Variants in FAM83B observed in about 807,000 individuals in gnomAD.
The protein encoded by FAM83B is protein FAM83B.
A neutral mutation model predicts 38.8 loss-of-function variants in FAM83B; 26 were observed. The observed-to-expected ratio is 0.67, with a 90% CI of 0.49 to 0.93. The LOEUF (loss-of-function observed/expected upper bound fraction) is 0.93, where lower values mean the gene tolerates loss of function less well. Ranked by LOEUF, FAM83B falls within the 40% of genes least tolerant of loss-of-function variation. FAM83B has a pLI of 0.00. For synonymous variants in FAM83B, 419 were observed against 423.1 expected, an observed-to-expected ratio of 0.99 and a Z score of 0.12; for missense variants, 1,237 against 1,197.3, an observed-to-expected ratio of 1.03 and a Z score of -0.49.
chr6:54,877,168 G>T (rs1034318155), intron 2 of FAM83B, among the ~76,000 whole-genome samples: 1 of 152,210 alleles, frequency 6.6e-6, no homozygotes, highest in South Asian at 2.1e-4. Flanking sequence ...GCAGATGGTA[G>T]TCCAATAGGG....
chr6:54,869,523 A>G (rs532739989), intron 1 of FAM83B, among the ~76,000 whole-genome samples: 2 of 152,044 alleles, frequency 1.3e-5, no homozygotes, highest in East Asian at 3.9e-4. Context: ...GAATGTACCA[A>G]ACTCTCATAT....
chr6:54,900,290 C>T (rs1178745540), intron 2 of FAM83B, among the ~76,000 whole-genome samples: 1 of 152,104 alleles, frequency 6.6e-6, no homozygotes, highest in Non-Finnish European at 1.5e-5. Flanking sequence ...GAGGGAGGCC[C>T]TATCCTACCC....
chr6:54,862,059 G>T (rs1410963773), intron 1 of FAM83B, among the ~76,000 whole-genome samples: 2 of 152,236 alleles, frequency 1.3e-5, no homozygotes, highest in South Asian at 2.1e-4. Context: ...AGACATTAGG[G>T]TCTAAGAAAA....
chr6:54,883,615 C>A (rs548448232), intron 2 of FAM83B, among the ~76,000 whole-genome samples: 1 of 151,984 alleles, frequency 6.6e-6, no homozygotes, highest in Admixed American at 6.6e-5. Context: ...GGATTACAGG[C>A]GTGAGCCACC....
Position 54,940,989 on chromosome 6 carries a change from C to T in FAM83B, c.2018C>T (p.Ala673Val). The T allele has an allele frequency of 6.2e-7, 1 of 1,613,944 alleles. No homozygotes were observed. Among genetic ancestry groups the T allele is most frequent in the Non-Finnish European group, 8.5e-7 (1 of 1,179,986 alleles). The change falls in exon 5 of 5, where the codon GCC becomes GTC. Residue 673 changes from alanine to valine, a missense_variant. Coordinates refer to ENST00000306858, the MANE Select transcript of FAM83B (RefSeq NM_001010872.3). Reference protein sequence around the residue: ...RSFPLFDNSKANLDPGNSKHY... With the variant: ...RSFPLFDNSKVNLDPGNSKHY... The stretch of plus-strand genomic sequence containing the variant: ...TTCCCGTTATTTGACAACTCAAAAG[C>T]CAACTTAGATCCTGGAAATAGTAAG...
At chr6:54,864,269 C>T (rs1001851574) in intron 1 of FAM83B, among the ~76,000 whole-genome samples, 2 of 152,142 alleles carry the variant, frequency 1.3e-5, no homozygotes, top group Non-Finnish European at 2.9e-5. Flanking sequence ...TTGCTATCCC[C>T]TCCCTCCAGT....
chr6:54,869,643 T>A (rs962889107), intron 1 of FAM83B, among the ~76,000 whole-genome samples: 2 of 152,190 alleles, frequency 1.3e-5, no homozygotes, highest in Non-Finnish European at 2.9e-5. Context: ...GAAGCCCACC[T>A]CTTGCTCAGG....
intron 2 of FAM83B, among the ~76,000 whole-genome samples, chr6:54,882,091 A>C (rs1318839577): frequency 6.7e-6 from 1 of 148,528 alleles, no homozygotes. Flanking sequence ...AAGGACATGA[A>C]CTCATCCTTT....
rs758367776 is a variant in FAM83B at position 54,939,791 on chromosome 6, A to C, written c.820A>C (p.Arg274=). The change falls in exon 5 of 5, where the codon AGA becomes CGA. Residue 274 remains arginine (R), a synonymous_variant. Coordinates refer to ENST00000306858, the MANE Select transcript of FAM83B (RefSeq NM_001010872.3). ...TGTTGAGTCCTTTGATGAAGAATTT[A>C]GAACTCTCTATGCCAGATCCTGTGT... ...QLVESFDEEF[R]TLYARSCVPS... is the part of the protein sequence containing the mutation. 6.2e-7 allele frequency: 1 copy of C among 1,614,028 alleles called. No individual in the cohort carries two copies. The highest frequency in any genetic ancestry group is 1.1e-5 in the South Asian group (1 of 91,080).
At chr6:54,915,366 C>T (rs188284665) in intron 2 of FAM83B, among the ~76,000 whole-genome samples, 169 of 152,202 alleles carry the variant, frequency 1.1e-3, no homozygotes, top group Non-Finnish European at 1.5e-3. Context: ...CTCTGTTGTC[C>T]GTTAGAAGCA....
intron 2 of FAM83B, among the ~76,000 whole-genome samples, chr6:54,904,195 G>A (rs546957758): frequency 6.6e-6 from 1 of 152,072 alleles, no homozygotes; most frequent in African/African-American, 2.4e-5. Context: ...CTCCTGAAAT[G>A]CTTTACAAAG....
At chr6:54,903,138 AACTTG>A (rs1467635426) in intron 2 of FAM83B, among the ~76,000 whole-genome samples, 1 of 152,128 alleles carries the variant, frequency 6.6e-6, no homozygotes, top group East Asian at 1.9e-4. Flanking sequence ...GCATTCTTTG[AACTTG>A]ACTTATTTTT....
chr6:54,865,772 C>T (rs1340072747), intron 1 of FAM83B, among the ~76,000 whole-genome samples: 7 of 152,088 alleles, frequency 4.6e-5, no homozygotes, highest in Non-Finnish European at 4.4e-5. Context: ...AATGAATTCT[C>T]TCAGGTCAGA....
At chr6:54,915,982 C>G (rs183011) in intron 2 of FAM83B, among the ~76,000 whole-genome samples, 35,727 of 151,952 alleles carry the variant, frequency 0.24, 5,367 homozygotes, top group African/African-American at 0.43. Context: ...TAGCATTCAA[C>G]GACTTCCCTC....
At chr6:54,896,927 A>T (rs1208327854) in intron 2 of FAM83B, among the ~76,000 whole-genome samples, 2 of 152,256 alleles carry the variant, frequency 1.3e-5, no homozygotes, top group Non-Finnish European at 2.9e-5. Flanking sequence ...AAAAATAAAC[A>T]TAATTGAATA....
chr6:54,885,788 A>G (rs2127579043), intron 2 of FAM83B, among the ~76,000 whole-genome samples: 1 of 141,222 alleles, frequency 7.1e-6, no homozygotes, highest in East Asian at 2.3e-4. Context: ...GGACACAGGA[A>G]GGGGAACATC....
At chr6:54,867,197 A>G (rs1771731128) in intron 1 of FAM83B, among the ~76,000 whole-genome samples, 1 of 151,696 alleles carries the variant, frequency 6.6e-6, no homozygotes, top group South Asian at 2.1e-4. Context: ...ATATATATTT[A>G]AAGGCACACC....
intron 4 of FAM83B, among the ~76,000 whole-genome samples, chr6:54,938,546 T>C (rs963666392): frequency 6.6e-6 from 1 of 152,206 alleles, no homozygotes; most frequent in African/African-American, 2.4e-5. Context: ...TTTGATTTTT[T>C]AATTATGGCC....
At chr6:54,898,302 C>T (rs1405363714) in intron 2 of FAM83B, among the ~76,000 whole-genome samples, 1 of 152,162 alleles carries the variant, frequency 6.6e-6, no homozygotes, top group Non-Finnish European at 1.5e-5. Flanking sequence ...GTTAGCCCCC[C>T]AGCAGTGCAG....
Sources: allele counts gnomAD v4.1 joint callset (sites outside exome capture counted in the v4.1 genomes callset), GRCh38; gene constraint gnomAD v4.1.1; transcripts MANE v1.5; gene names NCBI Gene and HGNC (gene_info 2026-07-23, HGNC 2026-07-21).